RAG1: variants seen among roughly 807,000 people sequenced by gnomAD.
The protein encoded by RAG1 is recombination activating 1, also known as V(D)J recombination-activating protein 1.
In RAG1, 35 loss-of-function variants were observed where a neutral mutation model predicts 62.7. The observed-to-expected ratio is 0.56, with a 90% confidence interval of 0.43 to 0.74. The LOEUF is 0.74. Ranked by LOEUF, RAG1 falls within the 30% of genes least tolerant of loss-of-function variation. The pLI, the probability that RAG1 is intolerant of heterozygous loss-of-function variation, is 0.00. For missense variants in RAG1, 1,169 were observed against 1,278.6 expected (o/e 0.91, Z 1.31); for synonymous variants, 461 against 470.3 (o/e 0.98, Z 0.26).
intron 2 of RAG1, among the ~76,000 whole-genome samples, chr11:36,521,092 T>C (rs759115266): frequency 6.6e-6 from 1 of 151,950 alleles, no homozygotes; most frequent in Non-Finnish European, 1.5e-5. Context: ...CCTGAGTAGC[T>C]GGGACTACAG....
At chr11:36,562,229 A>T (rs1342430243) in intron 3 of RAG1, among the ~76,000 whole-genome samples, 1 of 152,202 alleles carries the variant, frequency 6.6e-6, no homozygotes, top group South Asian at 2.1e-4. Context: ...TAATTCTAAG[A>T]GTTTGCCTTG....
rs112415101 is a variant in RAG1 at position 36,519,090 on chromosome 11, A to G, written n.331-1042A>G. On this transcript the variant is annotated intron_variant and non_coding_transcript_variant, in intron 1 of 2. Transcript: ENST00000529126. ...GATATATGCCCATTGGAAGATTTCT[A>G]AAATGGTTATTTGAGGGTGATAATG... Among the ~76,000 whole-genome samples, 132 of 152,342 alleles carry G rather than the reference A, an allele frequency of 8.7e-4. 1 individual carries two copies. Among genetic ancestry groups the G allele is most frequent in the Middle Eastern group, 3.4e-3 (1 of 294 alleles).
chr11:36,512,364 C>T (rs1433297349), intron 1 of RAG1, among the ~76,000 whole-genome samples: 1 of 152,250 alleles, frequency 6.6e-6, no homozygotes, highest in East Asian at 1.9e-4. Context: ...AATCCACCTG[C>T]ATTGGACTTA....
chr11:36,522,028 A>G (rs1011331378), intron 2 of RAG1, among the ~76,000 whole-genome samples: 4 of 152,194 alleles, frequency 2.6e-5, no homozygotes, highest in African/African-American at 9.6e-5. Flanking sequence ...GAAGCAGAGC[A>G]TAAAAGTTTG....
chr11:36,576,447 C>A lies in RAG1; in HGVS notation c.*11C>A, dbSNP rs1426585967. 6.2e-7 allele frequency: 1 copy of A among 1,613,852 alleles called. No homozygotes were observed. Among genetic ancestry groups the A allele is most frequent in the Non-Finnish European group, 8.5e-7 (1 of 1,179,954 alleles). On this transcript the variant is annotated 3_prime_UTR_variant, in exon 2 of 2. Transcript: ENST00000299440. ...TCAATGGAATTTTAAGTAGGGCAAC[C>A]ACTTATGAGTTGGTTTTTGCAATTG...
chr11:36,574,341 C>G lies in RAG1; in HGVS notation c.1037C>G (p.Ser346Cys), dbSNP rs1181106636. ...FPTDLESPVK[S>C]FLSVLNSLMV... ...ACTGACCTGGAGAGTCCAGTGAAGT[C>G]CTTTCTGAGCGTCTTGAATTCCCTG... The change falls in exon 2 of 2, where the codon TCC (serine) becomes TGC (cysteine). Residue 346 changes from serine to cysteine, a missense_variant. By Grantham distance (112) the Ser-to-Cys change is moderately radical. Transcript: ENST00000299440. 2 of 1,614,210 alleles carry G rather than the reference C, an allele frequency of 1.2e-6. No homozygotes were observed. The highest frequency in any genetic ancestry group is 1.7e-6 in the Non-Finnish European group (2 of 1,180,032).
rs1175217675 is a variant in RAG1, at chr11:36,576,455, A to T, written c.*19A>T. ...ATTTTAAGTAGGGCAACCACTTATG[A>T]GTTGGTTTTTGCAATTGAGTTTCCC... On this transcript the variant is annotated 3_prime_UTR_variant, in exon 2 of 2. Coordinates refer to ENST00000299440, the MANE Select transcript of RAG1 (RefSeq NM_000448.3). The T allele has an allele frequency of 6.2e-7, 1 of 1,613,684 alleles. No individual in the cohort carries two copies. The highest frequency in any genetic ancestry group is 8.5e-7 in the Non-Finnish European group (1 of 1,179,910).
At position 36,573,923 on chromosome 11, in the gene RAG1, C is replaced by A. The variant is rs1426498483; in HGVS notation, c.619C>A (p.His207Asn). Residue 207 changes from histidine (H) to asparagine (N), a missense_variant, in exon 2 of 2, where the codon CAC becomes AAC. Physicochemically the swap from His to Asn is moderately conservative, Grantham distance 68. Around this residue, in one of 2 missense-constraint regions of RAG1, gnomAD observed 369 missense variants for 335.3 expected, o/e 1.10. Transcript: ENST00000299440. ...PRNVTMEWHP[H>N]TPSCDICNTA... ...GAACGTGACCATGGAGTGGCACCCCCACACACCATCCTGTGACATCTGCAA... is the reference window on the plus strand; with the variant it reads ...GAACGTGACCATGGAGTGGCACCCCAACACACCATCCTGTGACATCTGCAA... 6.2e-7 allele frequency: 1 copy of A among 1,614,132 alleles called. No homozygotes were observed. The highest frequency in any genetic ancestry group is 2.2e-5 in the East Asian group (1 of 44,876).
intron 3 of RAG1, among the ~76,000 whole-genome samples, chr11:36,541,987 C>T (rs1390408266): frequency 1.3e-5 from 2 of 152,114 alleles, no homozygotes; most frequent in African/African-American, 2.4e-5. Context: ...GAGGGACCTG[C>T]GCACTAGGGG....
At chr11:36,511,077 C>G (rs1344535427) in intron 1 of RAG1, 1 of 152,144 alleles carries the variant, frequency 6.6e-6, no homozygotes, top group Non-Finnish European at 1.5e-5. Flanking sequence ...GTTTTCTCAT[C>G]TCGTATTAAC....
At chr11:36,535,725 A>G (rs1053087965) in intron 2 of RAG1, among the ~76,000 whole-genome samples, 1 of 152,200 alleles carries the variant, frequency 6.6e-6, no homozygotes, top group African/African-American at 2.4e-5. Flanking sequence ...AGCCTGGGCA[A>G]CAGAGCAAGA....
At chr11:36,559,638 G>T (rs1323952523) in intron 3 of RAG1, among the ~76,000 whole-genome samples, 2 of 151,658 alleles carry the variant, frequency 1.3e-5, no homozygotes, top group Non-Finnish European at 2.9e-5. Context: ...TCTTTCTTTT[G>T]CTTGATCTAG....
At chr11:36,543,124 G>A (rs1013906875) in intron 3 of RAG1, among the ~76,000 whole-genome samples, 2 of 152,134 alleles carry the variant, frequency 1.3e-5, no homozygotes, top group African/African-American at 4.8e-5. Flanking sequence ...GCTCAGGGAT[G>A]GCAGATAGGG....
rs150073298 is a variant in RAG1, at chr11:36,550,303, G to T, written c.-411-13082G>T. 5.9e-5 allele frequency among the ~76,000 whole-genome samples: 9 copies of T among 151,958 alleles called. No individual in the cohort carries two copies. In the East Asian group the frequency reaches 1.7e-3, roughly 29 times the overall value. ...GTTTTTGGTTTTCCAGTTAAGAATT[G>T]TATACCAAATCAAAAGATGGTCAGT... is the stretch of plus-strand genomic sequence containing the variant. On this transcript the variant is annotated intron_variant and NMD_transcript_variant, in intron 3 of 9. Coordinates refer to the RAG1 transcript ENST00000534663.
chr11:36,530,201 C>T (rs577080672), intron 2 of RAG1, among the ~76,000 whole-genome samples: 8 of 151,336 alleles, frequency 5.3e-5, no homozygotes, highest in African/African-American at 1.5e-4. Flanking sequence ...TAACTTATTA[C>T]TTCTGTTTTT....
intron 3 of RAG1, among the ~76,000 whole-genome samples, chr11:36,561,984 G>GAGGCT (rs1850591039): frequency 6.6e-6 from 1 of 152,188 alleles, no homozygotes; most frequent in African/African-American, 2.4e-5. Flanking sequence ...GACCAGCAAG[G>GAGGCT]AGGCTACTGT....
chr11:36,518,209 A>G (rs1295496813), intron 1 of RAG1, among the ~76,000 whole-genome samples: 1 of 151,938 alleles, frequency 6.6e-6, no homozygotes, highest in Non-Finnish European at 1.5e-5. Context: ...CATGGTGTAT[A>G]TGTGCCACAT....
intron 1 of RAG1, among the ~76,000 whole-genome samples, chr11:36,514,032 C>T (rs988508283): frequency 6.6e-6 from 1 of 152,196 alleles, no homozygotes; most frequent in East Asian, 1.9e-4. Flanking sequence ...GTCTTGCTCT[C>T]TCTTATTTGC....
upstream of RAG1, among the ~76,000 whole-genome samples, chr11:36,565,584 G>A (rs1034277854): frequency 6.6e-6 from 1 of 152,182 alleles, no homozygotes; most frequent in African/African-American, 2.4e-5. Context: ...GCAACAATTG[G>A]CCAATACATG....
Sources: allele counts gnomAD v4.1 joint callset (sites outside exome capture counted in the v4.1 genomes callset), GRCh38; gene constraint gnomAD v4.1.1; regional missense constraint gnomAD v4.1.1; transcripts MANE v1.5; gene names NCBI Gene and HGNC (gene_info 2026-07-23, HGNC 2026-07-21).